Variants in TTLL6 observed in about 807,000 individuals in gnomAD.
TTLL6 encodes tubulin tyrosine ligase like 6.
TTLL6 carries 75 observed loss-of-function variants against 96.4 expected under a neutral mutation model. That is an observed-to-expected ratio of 0.78 (90% CI 0.65 to 0.94). The LOEUF (loss-of-function observed/expected upper bound fraction) is 0.94. Among genes scored for constraint, TTLL6 ranks in the 40% least tolerant of loss-of-function variants. TTLL6 has a pLI of 0.00. For synonymous variants in TTLL6, 411 were observed against 419.4 expected, an observed-to-expected ratio of 0.98 and a Z score of 0.24; for missense variants, 1,030 against 1,093.0, an observed-to-expected ratio of 0.94 and a Z score of 0.81.
At chr17:48,773,064 A>T (rs1440196038) in intron 13 of TTLL6, among the ~76,000 whole-genome samples, 1 of 152,230 alleles carries the variant, frequency 6.6e-6, no homozygotes, top group African/African-American at 2.4e-5. Flanking sequence ...ATAATAATTG[A>T]AATAAAAAAT....
chr17:48,783,334 T>C (rs985238983), intron 13 of TTLL6, among the ~76,000 whole-genome samples: 1 of 152,182 alleles, frequency 6.6e-6, no homozygotes, highest in Non-Finnish European at 1.5e-5. Context: ...CAAAGAGATC[T>C]GTGCTAGGGC....
At chr17:48,812,064 A>ACCCCCCCCCCCCCC (rs56757071) in intron 1 of TTLL6, 39 of 76,136 alleles carry the variant, frequency 5.1e-4, no homozygotes, top group Non-Finnish European at 6.5e-4. Context: ...TGATGCTGGG[A>ACCCCCCCCCCCCCC]CCCCCCCCCC....
chr17:48,789,891 C>CAG (rs750859188), intron 10 of TTLL6, 40 bp downstream of exon 10: 480 of 1,603,186 alleles, frequency 3.0e-4, no homozygotes, highest in Middle Eastern at 5.0e-4. Flanking sequence ...GCAGGGGAGT[C>CAG]AGAGAGAGAG....
intron 15 of TTLL6, among the ~76,000 whole-genome samples, chr17:48,766,816 A>G (rs1388915042): frequency 6.6e-6 from 1 of 152,248 alleles, no homozygotes; most frequent in East Asian, 1.9e-4. Context: ...CTTAGGGATC[A>G]GAGTTTTGCT....
At chr17:48,769,417 T>C (rs978612427) in intron 14 of TTLL6, among the ~76,000 whole-genome samples, 163 bp from the exon 15 acceptor site, 1 of 152,230 alleles carries the variant, frequency 6.6e-6, no homozygotes. Flanking sequence ...TAGTTTTTCT[T>C]CCCCATTTTT....
intron 1 of TTLL6, among the ~76,000 whole-genome samples, chr17:48,811,798 A>T (rs1013756582): frequency 1.4e-5 from 2 of 145,982 alleles, no homozygotes; most frequent in African/African-American, 5.1e-5. Flanking sequence ...CCCAGGTTCC[A>T]GCTATTCTTC....
intron 13 of TTLL6, among the ~76,000 whole-genome samples, chr17:48,780,305 C>T (rs1237039459): frequency 6.6e-6 from 1 of 152,026 alleles, no homozygotes; most frequent in Non-Finnish European, 1.5e-5. Flanking sequence ...TTCAGCCTCC[C>T]AAAATGCTGG....
At chr17:48,791,992 A>C (rs1297674559) in intron 8 of TTLL6, among the ~76,000 whole-genome samples, 1 of 152,236 alleles carries the variant, frequency 6.6e-6, no homozygotes, top group African/African-American at 2.4e-5. Context: ...GCATGTGGGC[A>C]GCCTTTTAAG....
intron 1 of TTLL6, among the ~76,000 whole-genome samples, 194 bp downstream of exon 1, chr17:48,816,776 G>C (rs567310550): frequency 7.9e-5 from 12 of 152,214 alleles, no homozygotes; most frequent in South Asian, 6.2e-4. Context: ...GACTGAGAAG[G>C]GGGGAGTCCC....
At chr17:48,766,623 G>T (rs1460854076) in intron 15 of TTLL6, among the ~76,000 whole-genome samples, 2 of 152,136 alleles carry the variant, frequency 1.3e-5, no homozygotes, top group East Asian at 3.9e-4. Flanking sequence ...TAGCATTTTG[G>T]GAGGCCGAGG....
intron 9 of TTLL6, among the ~76,000 whole-genome samples, chr17:48,790,454 C>T (rs559618141): frequency 6.6e-6 from 1 of 152,202 alleles, no homozygotes; most frequent in East Asian, 1.9e-4. Flanking sequence ...AAGGGACAGG[C>T]TTGGACATAG....
chr17:48,814,318 C>CAA (rs398030988), intron 1 of TTLL6, among the ~76,000 whole-genome samples: 3,855 of 51,902 alleles, frequency 0.074, 406 homozygotes, highest in African/African-American at 0.16. Flanking sequence ...GACAGTGTCT[C>CAA]AAAAAAAAAA....
chr17:48,798,703 C>A (rs1027883022), intron 6 of TTLL6, among the ~76,000 whole-genome samples: 3 of 151,972 alleles, frequency 2.0e-5, no homozygotes, highest in African/African-American at 7.2e-5. Context: ...TGTGCCACTG[C>A]GCTCCAGCCA....
intron 13 of TTLL6, among the ~76,000 whole-genome samples, chr17:48,772,054 G>T (rs1373322561): frequency 6.6e-6 from 1 of 151,466 alleles, no homozygotes; most frequent in Admixed American, 6.6e-5. Flanking sequence ...CAGAAGCCTG[G>T]GTAACAAAGC....
intron 5 of TTLL6, 38 bp from the exon 6 acceptor site, chr17:48,799,798 TG>T: frequency 1.3e-6 from 2 of 1,531,892 alleles, no homozygotes; most frequent in Non-Finnish European, 1.8e-6. Context: ...CATCTTTAGC[TG>T]GGGAGCAATG....
At chr17:48,812,064 A>ACCCCCCCCCC (rs56757071) in intron 1 of TTLL6, 146 of 76,102 alleles carry the variant, frequency 1.9e-3, no homozygotes, top group Non-Finnish European at 2.5e-3. Flanking sequence ...TGATGCTGGG[A>ACCCCCCCCCC]CCCCCCCCCC....
chr17:48,791,309 C>G (rs1343882198), intron 9 of TTLL6, 69 bp downstream of exon 9: 51 of 1,383,162 alleles, frequency 3.7e-5, no homozygotes, highest in Non-Finnish European at 5.1e-5. Context: ...GCCAGGAGGG[C>G]GGAATCCTTG....
intron 4 of TTLL6, 60 bp from the exon 5 acceptor site, chr17:48,801,445 C>T: frequency 6.4e-7 from 1 of 1,551,164 alleles, no homozygotes; most frequent in Non-Finnish European, 8.7e-7. Flanking sequence ...ACAAGATCTC[C>T]TCGGGAGACA....
chr17:48,793,856 A>G (rs746737479), intron 8 of TTLL6, among the ~76,000 whole-genome samples: 25 of 152,188 alleles, frequency 1.6e-4, no homozygotes, highest in Non-Finnish European at 3.5e-4. Context: ...AATTATCACT[A>G]GGAAAAGAAA....
Sources: allele counts gnomAD v4.1 joint callset (sites outside exome capture counted in the v4.1 genomes callset), GRCh38; gene constraint gnomAD v4.1.1; transcripts MANE v1.5; gene names NCBI Gene and HGNC (gene_info 2026-07-23, HGNC 2026-07-21).